PRDM1: variants seen among roughly 807,000 people sequenced by gnomAD.
PRDM1 encodes PR domain zinc finger protein 1.
Under a neutral mutation model 62.8 loss-of-function variants are expected in PRDM1, and 13 were observed. The observed-to-expected ratio is 0.21, with a 90% CI of 0.13 to 0.33. The LOEUF is 0.33. PRDM1 is among the 10% of genes least tolerant of loss of function. The pLI is 1.00. For synonymous variants in PRDM1, 396 were observed against 417.6 expected, an observed-to-expected ratio of 0.95 and a Z score of 0.63; for missense variants, 895 against 1,058.8, an observed-to-expected ratio of 0.85 and a Z score of 2.15.
chr6:106,064,775 A>G (rs542376764), intron 1 of PRDM1, among the ~76,000 whole-genome samples: 2 of 152,170 alleles, frequency 1.3e-5, no homozygotes, highest in Non-Finnish European at 2.9e-5. Context: ...CTTTCTGGGG[A>G]TAGGGTGGGA....
chr6:105,997,795 A>T (rs1385940425), intron 1 of PRDM1, among the ~76,000 whole-genome samples: 6 of 152,214 alleles, frequency 3.9e-5, no homozygotes, highest in African/African-American at 1.4e-4. Context: ...AAAAGAAGAG[A>T]TCTATGGACT....
intron 1 of PRDM1, among the ~76,000 whole-genome samples, chr6:106,036,821 A>C (rs1332536719): frequency 6.6e-6 from 1 of 152,028 alleles, no homozygotes; most frequent in African/African-American, 2.4e-5. Flanking sequence ...TTAGCCAAAT[A>C]CAAAAATTTA....
At chr6:106,062,797 G>A (rs1390807244) in intron 1 of PRDM1, among the ~76,000 whole-genome samples, 3 of 152,142 alleles carry the variant, frequency 2.0e-5, no homozygotes, top group Non-Finnish European at 4.4e-5. Context: ...GAGAATAGTG[G>A]TTCTCTTCTG....
upstream of PRDM1, among the ~76,000 whole-genome samples, chr6:106,044,884 T>C (rs1773049774): frequency 6.6e-6 from 1 of 152,194 alleles, no homozygotes; most frequent in African/African-American, 2.4e-5. Context: ...TAGACACTTT[T>C]GGAAAGTTCA....
chr6:106,032,225 A>G (rs1772853775), intron 1 of PRDM1, among the ~76,000 whole-genome samples: 1 of 152,168 alleles, frequency 6.6e-6, no homozygotes, highest in South Asian at 2.1e-4. Context: ...GTGCAGTGGT[A>G]CAATCACAGT....
intron 1 of PRDM1, among the ~76,000 whole-genome samples, chr6:106,016,410 G>A (rs1299066762): frequency 6.6e-6 from 1 of 151,998 alleles, no homozygotes; most frequent in African/African-American, 2.4e-5. Flanking sequence ...CTGGGAACTT[G>A]ACTTGAGAGT....
rs773037767 is a variant in PRDM1 at position 106,106,535 on chromosome 6, T to A, written c.1902+36T>A. On this transcript the variant is annotated intron_variant, in intron 6 of 6. Coordinates refer to ENST00000369096, the MANE Select transcript of PRDM1 (RefSeq NM_001198.4). The surrounding 1 kb of genome is among the most constrained non-coding windows in gnomAD (Gnocchi z 4.4). The stretch of plus-strand genomic sequence containing the variant: ...TTTTCTGGGTAGACCTTCTGACCTT[T>A]GTAGAAAATGTCTGTGAGTCACCCT... The A allele has an allele frequency of 6.2e-7, 1 of 1,612,514 alleles. No individual in the cohort carries two copies. The highest frequency in any genetic ancestry group is 8.5e-7 in the Non-Finnish European group (1 of 1,179,436).
chr6:106,003,902 C>G (rs1772455483), intron 1 of PRDM1, among the ~76,000 whole-genome samples: 1 of 152,116 alleles, frequency 6.6e-6, no homozygotes, highest in South Asian at 2.1e-4. Context: ...CAGTTTGCTT[C>G]CTTCTCCAAA....
intron 1 of PRDM1, among the ~76,000 whole-genome samples, chr6:106,041,457 A>C (rs938328896): frequency 6.6e-6 from 1 of 152,218 alleles, no homozygotes; most frequent in Non-Finnish European, 1.5e-5. Context: ...TTACCTTAAA[A>C]TACGTTTTTT....
chr6:106,011,707 GT>G (rs1354369792), intron 1 of PRDM1, among the ~76,000 whole-genome samples: 1 of 152,020 alleles, frequency 6.6e-6, no homozygotes, highest in Non-Finnish European at 1.5e-5. Flanking sequence ...GCCAAAGCGG[GT>G]GGCTTGGGAG....
chr6:106,098,668 T>C, intron 3 of PRDM1: 1 of 1,352,414 alleles, frequency 7.4e-7, no homozygotes, highest in South Asian at 1.2e-5. Context: ...GAGTGTTCGC[T>C]TTGTTATGGC....
intron 1 of PRDM1, among the ~76,000 whole-genome samples, chr6:106,034,613 TAC>T (rs1230749733): frequency 2.0e-5 from 3 of 151,004 alleles, no homozygotes; most frequent in African/African-American, 7.3e-5. Context: ...ACTACAGTCT[TAC>T]AGTCTTTCAT....
intron 2 of PRDM1, among the ~76,000 whole-genome samples, chr6:106,091,107 ATC>A (rs1181570566): frequency 6.6e-6 from 1 of 152,170 alleles, no homozygotes; most frequent in Admixed American, 6.5e-5. Context: ...TCCTGAAATA[ATC>A]TCTTATGACT....
chr6:106,103,583 G>A (rs1774338853), intron 4 of PRDM1, among the ~76,000 whole-genome samples: 1 of 152,140 alleles, frequency 6.6e-6, no homozygotes, highest in Admixed American at 6.5e-5. Context: ...TTGGTTTCCA[G>A]GCAAGGCTGA....
chr6:106,104,527 A>T (rs1774385333), intron 4 of PRDM1, among the ~76,000 whole-genome samples: 1 of 152,230 alleles, frequency 6.6e-6, no homozygotes, highest in African/African-American at 2.4e-5. Flanking sequence ...ATCTTACTCC[A>T]GCCTAAACAG....
intron 1 of PRDM1, among the ~76,000 whole-genome samples, chr6:106,029,023 C>T (rs1486317893): frequency 5.3e-5 from 8 of 149,868 alleles, no homozygotes; most frequent in East Asian, 3.9e-4. Context: ...TGGGTTCAAG[C>T]GATTCTCCTG....
Position 106,106,235 on chromosome 6 carries a change from A to G in PRDM1, c.1774-136A>G. 1 of 1,363,610 alleles carries G rather than the reference A, an allele frequency of 7.3e-7. No individual in the cohort carries two copies. Among genetic ancestry groups the G allele is most frequent in the East Asian group, 2.3e-5 (1 of 43,260 alleles). 84.5% of individuals were successfully genotyped at this position (1,363,610 alleles called of 1,614,324 possible). A position where few individuals can be genotyped will look rare whatever the true frequency, so the allele number is the denominator to read the frequency against. On this transcript the variant is annotated intron_variant, in intron 5 of 6. Coordinates refer to ENST00000369096, the MANE Select transcript of PRDM1 (RefSeq NM_001198.4). The surrounding 1 kb of genome is among the most constrained non-coding windows in gnomAD (Gnocchi z 4.4). ...TTAAGAAAAACACCATTCTGAAAAC[A>G]TGAAGATTTCTTCTTTTTAAGACTG... is the stretch of plus-strand genomic sequence containing the variant.
intron 1 of PRDM1, 88 bp from the exon 2 acceptor site, chr6:106,088,112 TC>T (rs1773858038): frequency 6.8e-7 from 1 of 1,468,704 alleles, no homozygotes; most frequent in African/African-American, 1.4e-5. Context: ...TTTAAAGTCT[TC>T]AGACTACTGT....
At chr6:106,031,040 G>A (rs1402354323) in intron 1 of PRDM1, among the ~76,000 whole-genome samples, 4 of 141,316 alleles carry the variant, frequency 2.8e-5, no homozygotes, top group Admixed American at 1.5e-4. Flanking sequence ...TAGTGAATAT[G>A]CATTGCTTTT....
Sources: gnomAD v4.1 joint callset for allele counts (sites outside exome capture counted in the v4.1 genomes callset) on GRCh38, gnomAD v4.1.1 for gene constraint, Gnocchi (gnomAD v3.1) non-coding constraint, MANE v1.5 for transcripts, NCBI Gene and HGNC (gene_info 2026-07-23, HGNC 2026-07-21) for gene names.